The following ZC3HC1 variants were observed in gnomAD, a reference collection of about 807,000 sequenced individuals.
ZC3HC1 encodes zinc finger C3HC-type protein 1.
A neutral mutation model predicts 61.9 loss-of-function variants in ZC3HC1; 38 were observed. The observed-to-expected ratio is 0.61, with a 90% CI of 0.47 to 0.81. The LOEUF (loss-of-function observed/expected upper bound fraction) is 0.81. ZC3HC1 is among the 30% of genes least tolerant of loss of function. The pLI is 0.00. For missense variants in ZC3HC1, 554 were observed against 622.7 expected, an observed-to-expected ratio of 0.89 and a Z score of 1.17; for synonymous variants, 213 against 229.9, an observed-to-expected ratio of 0.93 and a Z score of 0.67.
At chr7:130,050,494 C>A in intron 1 of ZC3HC1, 1 of 1,481,654 alleles carries the variant, frequency 6.7e-7, no homozygotes, top group Non-Finnish European at 8.9e-7. Flanking sequence ...TGGTTCTAGG[C>A]CAAAAAAAAT....
chr7:130,050,553 C>T, intron 1 of ZC3HC1: 4 of 1,367,182 alleles, frequency 2.9e-6, no homozygotes, highest in Non-Finnish European at 3.8e-6. Flanking sequence ...TTATTTCTCT[C>T]TAAATGACAA....
intron 4 of ZC3HC1, among the ~76,000 whole-genome samples, chr7:130,032,720 AAGG>A: frequency 1.8e-5 from 2 of 114,194 alleles, no homozygotes; most frequent in Admixed American, 1.1e-4. Flanking sequence ...GAAGGAAGGG[AAGG>A]AGGGAGGGAG....
intron 2 of ZC3HC1, among the ~76,000 whole-genome samples, chr7:130,042,158 C>T (rs995266484): frequency 4.0e-5 from 6 of 151,626 alleles, no homozygotes; most frequent in African/African-American, 9.7e-5. Context: ...AAAAAATTAG[C>T]GGGATGTGGT....
intron 1 of ZC3HC1, chr7:130,050,396 A>G: frequency 6.5e-7 from 1 of 1,532,196 alleles, no homozygotes; most frequent in Middle Eastern, 1.8e-4. Flanking sequence ...TATTTTAATA[A>G]AAATAGGATT....
chr7:130,028,028 G>A (rs1007632065), intron 5 of ZC3HC1, among the ~76,000 whole-genome samples: 6 of 151,170 alleles, frequency 4.0e-5, no homozygotes, highest in East Asian at 2.0e-4. Flanking sequence ...TTAGCTAGGC[G>A]TGGTCGCACG....
At chr7:130,029,611 GGGTGTTA>G (rs1225677168) in intron 4 of ZC3HC1, among the ~76,000 whole-genome samples, 1 of 152,136 alleles carries the variant, frequency 6.6e-6, no homozygotes, top group Admixed American at 6.6e-5. Flanking sequence ...CAGAGGGGCA[GGGTGTTA>G]GGTGTTAGGA....
chr7:130,047,638 TACACACAC>T (rs34052360), intron 2 of ZC3HC1, among the ~76,000 whole-genome samples: 94 of 138,214 alleles, frequency 6.8e-4, no homozygotes, highest in African/African-American at 4.6e-4. Context: ...AGACTTTGTC[TACACACAC>T]ACACACACAC....
At chr7:130,027,200 A>C (rs2116685469) in intron 5 of ZC3HC1, 1 of 152,068 alleles carries the variant, frequency 6.6e-6, no homozygotes, top group East Asian at 1.9e-4. Flanking sequence ...ATAAGGAACT[A>C]TGACCAGGTG....
intron 9 of ZC3HC1, among the ~76,000 whole-genome samples, chr7:130,022,029 G>A (rs1248568876): frequency 1.3e-5 from 2 of 152,018 alleles, no homozygotes; most frequent in East Asian, 1.9e-4. Flanking sequence ...AAAATTAGCC[G>A]GGTGTGGTGG....
rs188065867 is a variant in ZC3HC1 at position 130,021,348 on chromosome 7, G to A, written c.1440+971C>T. On this transcript the variant is annotated intron_variant, in intron 9 of 9. Coordinates refer to ENST00000358303, the MANE Select transcript of ZC3HC1 (RefSeq NM_016478.5). ...TTTGTCCTTGAAAGTTATAGACTAC[G>A]ATCAGAAATTGTTACCAGCTACAAG... is the stretch of plus-strand genomic sequence containing the variant. Among the ~76,000 whole-genome samples the A allele has an allele frequency of 5.9e-5, 9 of 152,278 alleles. No homozygotes were observed. In the South Asian group the frequency reaches 6.2e-4, roughly 11 times the overall value.
At position 130,034,342 on chromosome 7, in the gene ZC3HC1, G is replaced by A. The variant is rs535264978; in HGVS notation, c.493+5122C>T. 3.8e-3 allele frequency among the ~76,000 whole-genome samples: 578 copies of A among 151,712 alleles called. 1 individual carries two copies. Among genetic ancestry groups the A allele is most frequent in the African/African-American group, 0.013 (542 of 41,430 alleles). On this transcript the variant is annotated intron_variant, in intron 4 of 9. Transcript: ENST00000358303. The stretch of plus-strand genomic sequence containing the variant: ...CTACTAAAAATACAAAAAATTAGCC[G>A]GGTGTGGTGGCGGGCGCCTGTAGTC...
intron 4 of ZC3HC1, among the ~76,000 whole-genome samples, chr7:130,030,671 A>G (rs927154633): frequency 1.3e-5 from 2 of 150,536 alleles, no homozygotes; most frequent in African/African-American, 4.9e-5. Flanking sequence ...AGTCACTCAT[A>G]ATCTTTTTTT....
chr7:130,022,330 T>C lies in ZC3HC1; in HGVS notation c.1429A>G (p.Thr477Ala). 1.2e-6 allele frequency: 2 copies of C among 1,614,158 alleles called. No homozygotes were observed. Among genetic ancestry groups the C allele is most frequent in the Admixed American group, 3.3e-5 (2 of 60,000 alleles). ...AHKQSSQPAE[T>A]DSMSLSEKSR... ...GTGGCGTATCTCACCATGGAGTCCG[T>C]TTCAGCTGGCTGGCTAGACTGTTTG... Residue 477 changes from threonine to alanine, a missense_variant, in exon 9 of 10, where the codon ACG (threonine) becomes GCG (alanine). Thr to Ala is a moderately conservative substitution (Grantham distance 58). Transcript: ENST00000358303.
chr7:130,035,336 G>A (rs988351868), intron 4 of ZC3HC1, among the ~76,000 whole-genome samples: 4 of 148,982 alleles, frequency 2.7e-5, no homozygotes, highest in Non-Finnish European at 5.9e-5. Flanking sequence ...AGTTTGTGGT[G>A]AGCTGAGATC....
chr7:130,049,245 C>T, intron 1 of ZC3HC1, 101 bp from the exon 2 acceptor site: 1 of 776,906 alleles, frequency 1.3e-6, no homozygotes, highest in Non-Finnish European at 1.9e-6. Context: ...CACACCAACG[C>T]TGGATTTTAA....
At chr7:130,024,928 A>G (rs1793829862) in intron 6 of ZC3HC1, among the ~76,000 whole-genome samples, 2 of 109,178 alleles carry the variant, frequency 1.8e-5, no homozygotes, top group Non-Finnish European at 3.5e-5. Context: ...TTTTTGAGTC[A>G]GAGTTTTGCT....
chr7:130,018,854 C>G (rs547908254), intron 9 of ZC3HC1, 122 bp from the exon 10 acceptor site: 2 of 803,632 alleles, frequency 2.5e-6, no homozygotes, highest in African/African-American at 1.7e-5. Flanking sequence ...TTGTAGTATG[C>G]TATACATAAT....
chr7:130,032,782 G>GAAGGGAGGC, intron 4 of ZC3HC1, among the ~76,000 whole-genome samples: 1 of 116,242 alleles, frequency 8.6e-6, no homozygotes, highest in African/African-American at 3.3e-5. Flanking sequence ...GGAAGGGAGG[G>GAAGGGAGGC]AGGGGAGGGA....
At chr7:130,036,083 G>C (rs12706911) in intron 4 of ZC3HC1, among the ~76,000 whole-genome samples, 105,578 of 151,714 alleles carry the variant, frequency 0.7, 37,321 homozygotes, top group East Asian at 0.99. Context: ...AAACATTCTA[G>C]CTTTGATTTT....
Sources: gnomAD v4.1 joint callset for allele counts (sites outside exome capture counted in the v4.1 genomes callset) on GRCh38, gnomAD v4.1.1 for gene constraint, MANE v1.5 for transcripts, NCBI Gene and HGNC (gene_info 2026-07-23, HGNC 2026-07-21) for gene names.